CERKL: variants seen among roughly 807,000 people sequenced by gnomAD.
The protein encoded by CERKL is ceramide kinase-like protein.
A neutral mutation model predicts 63.4 loss-of-function variants in CERKL; 61 were observed. That is an observed-to-expected ratio of 0.96 (90% CI 0.78 to 1.19). The LOEUF (loss-of-function observed/expected upper bound fraction) is 1.19. Ranked by LOEUF, CERKL falls within the 50% of genes most tolerant of loss-of-function variation. CERKL has a pLI of 0.00. For synonymous variants in CERKL, 250 were observed against 230.5 expected (o/e 1.08, Z -0.77); for missense variants, 675 against 655.5 (o/e 1.03, Z -0.33).
At chr2:181,623,252 G>A (rs1406186876) in intron 1 of CERKL, among the ~76,000 whole-genome samples, 1 of 152,098 alleles carries the variant, frequency 6.6e-6, no homozygotes, top group Non-Finnish European at 1.5e-5. Context: ...AAGACACAAG[G>A]TGATCAGAAA....
intron 1 of CERKL, among the ~76,000 whole-genome samples, chr2:181,608,502 C>T (rs1243707378): frequency 6.6e-6 from 1 of 152,108 alleles, no homozygotes; most frequent in East Asian, 1.9e-4. Context: ...ACTCTTTTAA[C>T]TTTTCATTGA....
intron 2 of CERKL, among the ~76,000 whole-genome samples, chr2:181,596,086 A>G (rs765436223): frequency 6.6e-6 from 1 of 152,228 alleles, no homozygotes; most frequent in Non-Finnish European, 1.5e-5. Flanking sequence ...ATAATCACAT[A>G]AGATCTGACA....
Position 181,558,043 on chromosome 2 carries a change from C to T in CERKL, c.820+523G>A, listed in dbSNP as rs1057169015. Reference sequence around the variant, plus strand: ...GGCAGTGAGTAGAAAGATTAAAAAGCCTTGCCCTTAAGAATCTCACCCTTC... The same window carrying T: ...GGCAGTGAGTAGAAAGATTAAAAAGTCTTGCCCTTAAGAATCTCACCCTTC... On this transcript the variant is annotated intron_variant, in intron 5 of 12. Transcript: ENST00000410087. The surrounding 1 kb of genome is among the most constrained non-coding windows in gnomAD (Gnocchi z 4.2). Among the ~76,000 whole-genome samples, 3 of 152,128 alleles carry T rather than the reference C, an allele frequency of 2.0e-5. No homozygotes were observed. The highest frequency in any genetic ancestry group is 4.4e-5 in the Non-Finnish European group (3 of 68,020).
At chr2:181,567,718 T>C (rs1261268927) in intron 3 of CERKL, among the ~76,000 whole-genome samples, 1 of 152,118 alleles carries the variant, frequency 6.6e-6, no homozygotes, top group Non-Finnish European at 1.5e-5. Context: ...ATAGACAATA[T>C]ATGCTAATGA....
At chr2:181,632,945 G>A (rs1041771749) in intron 1 of CERKL, among the ~76,000 whole-genome samples, 14 of 152,174 alleles carry the variant, frequency 9.2e-5, no homozygotes, top group African/African-American at 3.4e-4. Context: ...TGACTTAAAT[G>A]GTTGAGTGCT....
At chr2:181,626,007 C>T (rs184047202) in intron 1 of CERKL, among the ~76,000 whole-genome samples, 108 of 152,114 alleles carry the variant, frequency 7.1e-4, no homozygotes, top group African/African-American at 2.4e-3. Context: ...AAACTGGGTG[C>T]CATTATTATG....
chr2:181,548,183 G>T, intron 8 of CERKL: 1 of 520,196 alleles, frequency 1.9e-6, no homozygotes. Context: ...TCATTTTTTG[G>T]TGCATTGTTG....
chr2:181,643,471 G>A (rs1449935794), intron 1 of CERKL, among the ~76,000 whole-genome samples: 1 of 152,184 alleles, frequency 6.6e-6, no homozygotes, highest in African/African-American at 2.4e-5. Context: ...ATACTTCAAG[G>A]TGTTATCCAT....
At chr2:181,566,255 T>C (rs1688662985) in intron 3 of CERKL, 134 bp from the exon 4 acceptor site, 1 of 720,404 alleles carries the variant, frequency 1.4e-6, no homozygotes. Flanking sequence ...TGAATATTTA[T>C]ATTTTAATCA....
At chr2:181,583,036 T>G (rs1684597750) in intron 2 of CERKL, among the ~76,000 whole-genome samples, 1 of 152,182 alleles carries the variant, frequency 6.6e-6, no homozygotes, top group African/African-American at 2.4e-5. Flanking sequence ...TAATTAAAAA[T>G]TGCTTAATTA....
intron 1 of CERKL, among the ~76,000 whole-genome samples, chr2:181,645,219 C>T (rs1311498415): frequency 6.6e-6 from 1 of 152,138 alleles, no homozygotes; most frequent in African/African-American, 2.4e-5. Flanking sequence ...GAGGGGAATA[C>T]TGCCTTTGTA....
chr2:181,618,872 T>C (rs1377348332), intron 1 of CERKL, among the ~76,000 whole-genome samples: 1 of 152,180 alleles, frequency 6.6e-6, no homozygotes, highest in African/African-American at 2.4e-5. Flanking sequence ...TCCTGGTATA[T>C]AGTCTTATAA....
At chr2:181,601,880 G>C (rs1474371192) in intron 2 of CERKL, among the ~76,000 whole-genome samples, 1 of 152,186 alleles carries the variant, frequency 6.6e-6, no homozygotes, top group East Asian at 1.9e-4. Context: ...TGTACTCAAA[G>C]ACCATGCCAG....
intron 1 of CERKL, among the ~76,000 whole-genome samples, chr2:181,655,304 A>ATTTGTGTATTT (rs1188030522): frequency 6.6e-6 from 1 of 152,224 alleles, no homozygotes; most frequent in East Asian, 1.9e-4. Context: ...CAAATACTGC[A>ATTTGTGTATTT]ACATTGGTTT....
intron 4 of CERKL, among the ~76,000 whole-genome samples, chr2:181,564,408 G>C (rs1688576996): frequency 6.6e-6 from 1 of 152,076 alleles, no homozygotes; most frequent in African/African-American, 2.4e-5. Context: ...ATAATGGTTA[G>C]GCCAAACTAT....
rs768429897 is a variant in CERKL at position 181,538,196 on chromosome 2, CA to C, written c.1586del (p.Met529ArgfsTer7). ...ISLYGGSMEE[M>X]IPK ...AAACAATTACATGTTACTTTGGAAT[CA>C]TTTCTTCCATGCTTCCTCCATAAAG... is the stretch of plus-strand genomic sequence containing the variant. On this transcript the variant is annotated frameshift_variant, in exon 13 of 13. Coordinates refer to ENST00000410087, the MANE Select transcript of CERKL (RefSeq NM_201548.5). LOFTEE classifies it high-confidence loss of function. The C allele has an allele frequency of 3.9e-5, 62 of 1,578,372 alleles. No individual in the cohort carries two copies. Among genetic ancestry groups the C allele is most frequent in the Non-Finnish European group, 5.4e-5 (62 of 1,148,948 alleles).
intron 1 of CERKL, chr2:181,649,487 A>T (rs1486179145): frequency 6.6e-6 from 1 of 152,252 alleles, no homozygotes; most frequent in Non-Finnish European, 1.5e-5. Context: ...TGAATAAATT[A>T]TCTAGACATA....
Position 181,537,040 on chromosome 2 carries a change from T to A in CERKL, c.*1144A>T, listed in dbSNP as rs1034629062. 2.2e-6 allele frequency: 1 copy of A among 444,818 alleles called. No individual in the cohort carries two copies. Among genetic ancestry groups the A allele is most frequent in the East Asian group, 7.0e-5 (1 of 14,312 alleles). The allele number at this position is 444,818 out of a possible 1,614,324, so 27.6% of individuals were successfully genotyped here. The stretch of plus-strand genomic sequence containing the variant: ...AATGTTCTGAGATTTGCGAAGGCAT[T>A]TGAGTAGTGAAATGTAAGCACAAAA... On this transcript the variant is annotated 3_prime_UTR_variant, in exon 13 of 13. Coordinates refer to ENST00000410087, the MANE Select transcript of CERKL (RefSeq NM_201548.5).
intron 1 of CERKL, among the ~76,000 whole-genome samples, chr2:181,628,302 C>T (rs1686799828): frequency 6.6e-6 from 1 of 152,130 alleles, no homozygotes; most frequent in Non-Finnish European, 1.5e-5. Flanking sequence ...ATAACCCAGT[C>T]CTAAGGAGCT....
Sources: allele counts gnomAD v4.1 joint callset (sites outside exome capture counted in the v4.1 genomes callset), GRCh38; gene constraint gnomAD v4.1.1; non-coding constraint Gnocchi (gnomAD v3.1); transcripts MANE v1.5; gene names NCBI Gene and HGNC (gene_info 2026-07-23, HGNC 2026-07-21).